ANO3: variants seen among roughly 807,000 people sequenced by gnomAD.
ANO3 encodes the protein anoctamin-3.
ANO3 carries 99 observed loss-of-function variants against 144.8 expected under a neutral mutation model. The ratio of observed to expected loss-of-function variants is 0.68; its 90% CI spans 0.58 to 0.81. The LOEUF (loss-of-function observed/expected upper bound fraction) is 0.81, where lower values mean the gene tolerates loss of function less well. Among genes scored for constraint, ANO3 ranks in the 30% least tolerant of loss-of-function variants. ANO3 has a pLI of 0.00. For synonymous variants in ANO3, 414 were observed against 392.6 expected, an observed-to-expected ratio of 1.05 and a Z score of -0.64; for missense variants, 905 against 1,202.2, an observed-to-expected ratio of 0.75 and a Z score of 3.66.
At chr11:26,438,717 G>A (rs551086406) in intron 1 of ANO3, among the ~76,000 whole-genome samples, 4 of 150,454 alleles carry the variant, frequency 2.7e-5, no homozygotes, top group Non-Finnish European at 5.9e-5. Flanking sequence ...GGCAGAGGTT[G>A]CAGTGAGCTG....
rs369532769 is a variant in ANO3 at position 26,623,242 on chromosome 11, A to G, written c.1837-1220A>G. Among the ~76,000 whole-genome samples the G allele has an allele frequency of 2.6e-4, 39 of 152,328 alleles. No individual in the cohort carries two copies. In the East Asian group the frequency reaches 6.4e-3, roughly 25 times the overall value. ...ATCACAGCTAAGATGAGTCATCACA[A>G]TCATTTTGCTGAAAGAACTGTCAGA... On this transcript the variant is annotated intron_variant, in intron 17 of 26. Transcript: ENST00000256737.
chr11:26,266,476 C>A (rs1853310139), intron 1 of ANO3, among the ~76,000 whole-genome samples: 1 of 149,616 alleles, frequency 6.7e-6, no homozygotes, highest in Non-Finnish European at 1.5e-5. Context: ...CTCTGTTTCC[C>A]AGGCTGGAGT....
At chr11:26,569,526 C>T (rs973764794) in intron 14 of ANO3, among the ~76,000 whole-genome samples, 1 of 151,932 alleles carries the variant, frequency 6.6e-6, no homozygotes, top group Non-Finnish European at 1.5e-5. Flanking sequence ...TGAAGTCATC[C>T]GTTATTCAGA....
rs1215501756 is a variant in ANO3 at position 26,508,117 on chromosome 11, A to G, written c.446A>G (p.Tyr149Cys). 7 of 1,584,336 alleles carry G rather than the reference A, an allele frequency of 4.4e-6. No homozygotes were observed. The highest frequency in any genetic ancestry group is 6.0e-6 in the Non-Finnish European group (7 of 1,170,496). Residue 149 changes from tyrosine (Y) to cysteine (C), a missense_variant, in exon 5 of 27, where the codon TAC becomes TGC. Tyr to Cys is a radical substitution (Grantham distance 194). Coordinates refer to ENST00000256737, the MANE Select transcript of ANO3 (RefSeq NM_031418.4). ...KTKLSKNDMN[Y>C]IASSGPLFKD... ...CTTTATTTGCAGAATGACATGAATT[A>G]CATAGCATCCAGTGGACCTCTGTTC...
At chr11:26,590,253 A>G (rs1009384181) in intron 14 of ANO3, among the ~76,000 whole-genome samples, 3 of 152,244 alleles carry the variant, frequency 2.0e-5, no homozygotes, top group African/African-American at 7.2e-5. Context: ...TGTCAAATAT[A>G]TTATTGCCAG....
intron 1 of ANO3, among the ~76,000 whole-genome samples, chr11:26,240,992 C>T (rs1327121306): frequency 6.6e-6 from 1 of 152,140 alleles, no homozygotes; most frequent in East Asian, 1.9e-4. Context: ...TCCCACAGTT[C>T]CCACGTGTCA....
chr11:26,493,667 C>G (rs1860806690), intron 4 of ANO3, among the ~76,000 whole-genome samples: 1 of 152,166 alleles, frequency 6.6e-6, no homozygotes, highest in African/African-American at 2.4e-5. Context: ...CTCTTACATG[C>G]TAGGAATGTC....
chr11:26,384,877 G>C (rs1856683216), intron 1 of ANO3, among the ~76,000 whole-genome samples: 1 of 152,154 alleles, frequency 6.6e-6, no homozygotes, highest in Non-Finnish European at 1.5e-5. Flanking sequence ...CTTTGATTTG[G>C]TATCTCAATC....
intron 1 of ANO3, among the ~76,000 whole-genome samples, chr11:26,310,486 C>G (rs1854480315): frequency 6.6e-6 from 1 of 152,156 alleles, no homozygotes; most frequent in Non-Finnish European, 1.5e-5. Flanking sequence ...TTACTTTAGT[C>G]CAAGAGTTCC....
At chr11:26,370,052 T>G (rs1057075787) in intron 1 of ANO3, among the ~76,000 whole-genome samples, 3 of 152,210 alleles carry the variant, frequency 2.0e-5, no homozygotes, top group African/African-American at 7.2e-5. Context: ...GTACTAGGAA[T>G]GACTAAAAAC....
intron 7 of ANO3, among the ~76,000 whole-genome samples, chr11:26,526,543 A>G (rs1399788205): frequency 6.6e-6 from 1 of 152,182 alleles, no homozygotes; most frequent in African/African-American, 2.4e-5. Context: ...ATAACAGACC[A>G]TCTTAGGAAA....
At chr11:26,648,749 A>C (rs2133077387) in intron 24 of ANO3, among the ~76,000 whole-genome samples, 1 of 152,302 alleles carries the variant, frequency 6.6e-6, no homozygotes, top group Non-Finnish European at 1.5e-5. Flanking sequence ...ACAGAGCTGT[A>C]GCTGGAGATC....
intron 1 of ANO3, among the ~76,000 whole-genome samples, chr11:26,396,278 G>A (rs1035112824): frequency 2.0e-5 from 3 of 152,092 alleles, no homozygotes; most frequent in Non-Finnish European, 2.9e-5. Context: ...TCATTAAAAA[G>A]TCAGGAAACA....
chr11:26,501,419 CA>C (rs1444438125), intron 4 of ANO3, among the ~76,000 whole-genome samples: 13 of 152,086 alleles, frequency 8.5e-5, no homozygotes, highest in Admixed American at 8.5e-4. Context: ...GTTCTGAATA[CA>C]AAAACTGTAG....
chr11:26,521,905 C>T (rs1862092200), intron 6 of ANO3, among the ~76,000 whole-genome samples: 1 of 152,170 alleles, frequency 6.6e-6, no homozygotes, highest in Non-Finnish European at 1.5e-5. Flanking sequence ...TTAAGAGCGG[C>T]CGGGCGCGGT....
chr11:26,329,235 A>C (rs1854969927), upstream of ANO3, among the ~76,000 whole-genome samples: 1 of 152,006 alleles, frequency 6.6e-6, no homozygotes, highest in South Asian at 2.1e-4. Flanking sequence ...TTTTGAGTTA[A>C]AAAAGAGGGC....
chr11:26,220,842 C>T (rs1436171248), intron 1 of ANO3, among the ~76,000 whole-genome samples: 3 of 152,136 alleles, frequency 2.0e-5, no homozygotes, highest in Non-Finnish European at 2.9e-5. Context: ...CAGGTATACC[C>T]GTTGGGCAGG....
chr11:26,263,473 C>T (rs1221797504), intron 1 of ANO3, among the ~76,000 whole-genome samples: 2 of 152,228 alleles, frequency 1.3e-5, no homozygotes, highest in Non-Finnish European at 2.9e-5. Context: ...TGTTGTCACT[C>T]CATTCCAAGA....
chr11:26,416,865 C>T (rs939022401), intron 1 of ANO3, among the ~76,000 whole-genome samples: 1 of 151,986 alleles, frequency 6.6e-6, no homozygotes, highest in African/African-American at 2.4e-5. Context: ...CTTTCAAAGC[C>T]TGGGTAAACA....
Sources: gnomAD v4.1 joint callset for allele counts (sites outside exome capture counted in the v4.1 genomes callset) on GRCh38, gnomAD v4.1.1 for gene constraint, MANE v1.5 for transcripts, NCBI Gene and HGNC (gene_info 2026-07-23, HGNC 2026-07-21) for gene names.